The following CFAP61 variants were observed in gnomAD, a reference collection of about 807,000 sequenced individuals.
CFAP61 encodes cilia- and flagella-associated protein 61.
Under a neutral mutation model 135.6 loss-of-function variants are expected in CFAP61, and 107 were observed. The ratio of observed to expected loss-of-function variants is 0.79; its 90% CI spans 0.67 to 0.93. The LOEUF (loss-of-function observed/expected upper bound fraction) is 0.93, where lower values mean the gene tolerates loss of function less well. Ranked by LOEUF, CFAP61 falls within the 40% of genes least tolerant of loss-of-function variation. The pLI is 0.00. For synonymous variants in CFAP61, 575 were observed against 578.5 expected, an observed-to-expected ratio of 0.99 and a Z score of 0.09; for missense variants, 1,507 against 1,556.2, an observed-to-expected ratio of 0.97 and a Z score of 0.53.
At chr20:20,324,368 C>T (rs1191484682) in intron 25 of CFAP61, among the ~76,000 whole-genome samples, 1 of 152,148 alleles carries the variant, frequency 6.6e-6, no homozygotes, top group Admixed American at 6.5e-5. Context: ...TTATACTGTA[C>T]CTATTTCCTT....
chr20:20,261,039 C>T (rs2052143858), intron 20 of CFAP61, among the ~76,000 whole-genome samples: 1 of 152,150 alleles, frequency 6.6e-6, no homozygotes, highest in Non-Finnish European at 1.5e-5. Flanking sequence ...AATAAGAAAA[C>T]TTTACCTCTG....
chr20:20,299,840 G>A lies in CFAP61; in HGVS notation c.3422+1454G>A, dbSNP rs541988977. ...CAGTTCAGGGCCATTACAATCGGACGTTGTGAACACTGTGGACGTACTTCA... is the reference window on the plus strand; with the variant it reads ...CAGTTCAGGGCCATTACAATCGGACATTGTGAACACTGTGGACGTACTTCA... On this transcript the variant is annotated intron_variant, in intron 25 of 26. Transcript: ENST00000245957. Among the ~76,000 whole-genome samples the A allele has an allele frequency of 2.8e-4, 43 of 152,278 alleles. No homozygotes were observed. The South Asian group carries it at 7.3e-3, about 26-fold the overall frequency.
Position 20,180,077 on chromosome 20 carries a change from C to T in CFAP61, c.1386-7853C>T, listed in dbSNP as rs181047906. On this transcript the variant is annotated intron_variant, in intron 13 of 26. Coordinates refer to ENST00000245957, the MANE Select transcript of CFAP61 (RefSeq NM_015585.4). ...CAAAGGAAACTGTCCACAGAGTGAA[C>T]AGACAACCTATAGAATGGAAGAAAA... Among the ~76,000 whole-genome samples the T allele has an allele frequency of 2.0e-3, 297 of 152,266 alleles. 3 individuals carry two copies. The highest frequency in any genetic ancestry group is 6.8e-3 in the African/African-American group (283 of 41,552).
At chr20:20,331,754 CTTTT>C (rs113099116) in intron 25 of CFAP61, among the ~76,000 whole-genome samples, 1 of 150,160 alleles carries the variant, frequency 6.7e-6, no homozygotes, top group Non-Finnish European at 1.5e-5. Context: ...CACATATACA[CTTTT>C]TTTTTTCTTT....
intron 9 of CFAP61, among the ~76,000 whole-genome samples, chr20:20,146,790 C>A (rs376071369): frequency 6.6e-5 from 10 of 152,236 alleles, no homozygotes; most frequent in African/African-American, 2.2e-4. Context: ...AGTTTTGGGG[C>A]TAAAGTGGTT....
chr20:20,275,329 TATG>T (rs1400948728), intron 21 of CFAP61, among the ~76,000 whole-genome samples: 3 of 152,242 alleles, frequency 2.0e-5, no homozygotes, highest in African/African-American at 7.2e-5. Context: ...GCAGCATTAT[TATG>T]ATGATAACTG....
Position 20,187,995 on chromosome 20 carries a change from T to G in CFAP61, c.1451T>G (p.Leu484Arg), listed in dbSNP as rs2055637769. 1.2e-6 allele frequency: 2 copies of G among 1,613,748 alleles called. No homozygotes were observed. The highest frequency in any genetic ancestry group is 1.3e-5 in the African/African-American group (1 of 74,922). ...TPGVENLVST[L>R]MLNKSILEDL... ...GGTGTGGAAAATCTTGTCAGCACCCTCATGTTGAATAAAAGCATATTGGAG... is the reference window on the plus strand; with the variant it reads ...GGTGTGGAAAATCTTGTCAGCACCCGCATGTTGAATAAAAGCATATTGGAG... Residue 484 changes from leucine (L) to arginine (R), a missense_variant, in exon 14 of 27, where the codon CTC (leucine) becomes CGC (arginine). Leu to Arg is a moderately radical substitution (Grantham distance 102). Transcript: ENST00000245957.
chr20:20,205,731 T>A (rs1345929201), intron 17 of CFAP61, among the ~76,000 whole-genome samples: 1 of 152,196 alleles, frequency 6.6e-6, no homozygotes, highest in African/African-American at 2.4e-5. Flanking sequence ...TGCTGGCAGG[T>A]TTTGGACACC....
At chr20:20,129,356 A>C (rs1275723450) in intron 8 of CFAP61, among the ~76,000 whole-genome samples, 2 of 151,824 alleles carry the variant, frequency 1.3e-5, no homozygotes, top group Non-Finnish European at 2.9e-5. Context: ...CTCCAAAGGA[A>C]GTTTTTTAAT....
At position 20,320,507 on chromosome 20, in the gene CFAP61, TATGTA is replaced by T. The variant is rs1267441661; in HGVS notation, c.3423-21321_3423-21317del. Among the ~76,000 whole-genome samples, 5 of 39,564 alleles carry T rather than the reference TATGTA, an allele frequency of 1.3e-4. 1 individual carries two copies. The highest frequency in any genetic ancestry group is 4.1e-4 in the African/African-American group (5 of 12,142). The allele number at this position is 39,564 out of a possible 152,430, so 26.0% of individuals were successfully genotyped here. The stretch of plus-strand genomic sequence containing the variant: ...TATAATATATGTAATATATATTATA[TATGTA>T]ATATATAATATATATTATATATGTA... On this transcript the variant is annotated intron_variant, in intron 25 of 26. Coordinates refer to ENST00000245957, the MANE Select transcript of CFAP61 (RefSeq NM_015585.4).
chr20:20,156,132 A>G (rs538256320), intron 9 of CFAP61, among the ~76,000 whole-genome samples: 1 of 152,284 alleles, frequency 6.6e-6, no homozygotes, highest in South Asian at 2.1e-4. Flanking sequence ...CATGCAACCA[A>G]ACACCAACTG....
chr20:20,119,288 T>A (rs1464996079), intron 8 of CFAP61, among the ~76,000 whole-genome samples: 1 of 152,132 alleles, frequency 6.6e-6, no homozygotes, highest in Non-Finnish European at 1.5e-5. Flanking sequence ...GGCTTCGATT[T>A]TGTTATTCAT....
chr20:20,235,488 C>T (rs528448953), intron 18 of CFAP61, among the ~76,000 whole-genome samples: 13 of 152,210 alleles, frequency 8.5e-5, no homozygotes, highest in African/African-American at 3.1e-4. Context: ...GCCAATGCCA[C>T]CAGGCCGATG....
intron 8 of CFAP61, 54 bp downstream of exon 8, chr20:20,098,868 CAT>C: frequency 6.7e-7 from 1 of 1,491,076 alleles, no homozygotes; most frequent in Non-Finnish European, 9.1e-7. Flanking sequence ...GCTTTATACA[CAT>C]TGCGCTCTTC....
At chr20:20,299,246 C>T (rs956745804) in intron 25 of CFAP61, among the ~76,000 whole-genome samples, 10 of 152,176 alleles carry the variant, frequency 6.6e-5, no homozygotes, top group South Asian at 4.1e-4. Flanking sequence ...GGGCCCACTG[C>T]CTATGTTAAG....
intron 25 of CFAP61, among the ~76,000 whole-genome samples, chr20:20,341,318 C>CA: frequency 6.6e-6 from 1 of 152,024 alleles, no homozygotes; most frequent in East Asian, 1.9e-4. Flanking sequence ...ATATGAACAC[C>CA]AAAAAATGCA....
At chr20:20,064,495 C>G (rs2045090427) in intron 2 of CFAP61, among the ~76,000 whole-genome samples, 1 of 152,092 alleles carries the variant, frequency 6.6e-6, no homozygotes, top group African/African-American at 2.4e-5. Flanking sequence ...AAGGCAGTTA[C>G]CAGATCTAAT....
chr20:20,123,971 G>GTTTTTTTTTTTTTTTTTT (rs35528584), intron 8 of CFAP61, among the ~76,000 whole-genome samples: 2 of 65,262 alleles, frequency 3.1e-5, no homozygotes, highest in African/African-American at 1.2e-4. Flanking sequence ...ATATTCCTAA[G>GTTTTTTTTTTTTTTTTTT]TTTTTTTTTT....
chr20:20,236,343 G>A (rs892223763), intron 18 of CFAP61, among the ~76,000 whole-genome samples: 2 of 152,130 alleles, frequency 1.3e-5, no homozygotes, highest in African/African-American at 4.8e-5. Flanking sequence ...GGGTTTAGGA[G>A]CCATTTTTAT....
Sources: allele counts gnomAD v4.1 joint callset (sites outside exome capture counted in the v4.1 genomes callset), GRCh38; gene constraint gnomAD v4.1.1; transcripts MANE v1.5; gene names NCBI Gene and HGNC (gene_info 2026-07-23, HGNC 2026-07-21).